The following R3HCC1L variants were observed in gnomAD, a reference collection of about 807,000 sequenced individuals.
R3HCC1L encodes coiled-coil domain-containing protein R3HCC1L.
Under a neutral mutation model 59.9 loss-of-function variants are expected in R3HCC1L, and 51 were observed. That is an observed-to-expected ratio of 0.85 (90% CI 0.68 to 1.07). The LOEUF (loss-of-function observed/expected upper bound fraction) is 1.07, where lower values mean the gene tolerates loss of function less well. Among genes scored for constraint, R3HCC1L ranks in the 50% least tolerant of loss-of-function variants. The pLI is 0.00. For missense variants in R3HCC1L, 965 were observed against 933.0 expected (o/e 1.03, Z -0.45); for synonymous variants, 322 against 315.2 (o/e 1.02, Z -0.23).
In R3HCC1L at chr10:98,209,099, A is replaced by G. The variant is rs771815498; in HGVS notation, c.985A>G (p.Met329Val). 1 of 1,613,982 alleles carries G rather than the reference A, an allele frequency of 6.2e-7. No individual in the cohort carries two copies. Among genetic ancestry groups the G allele is most frequent in the African/African-American group, 1.3e-5 (1 of 74,922 alleles). ...ESTNDTVSPV[M>V]IRECEKNDST... ...CACAAATGACACTGTTAGTCCAGTA[A>G]TGATTAGAGAATGTGAGAAGAATGA... The change falls in exon 5 of 10, where the codon ATG becomes GTG. Residue 329 changes from methionine to valine, a missense_variant. Transcript: ENST00000298999.
At chr10:98,181,411 T>C (rs1849608613) in intron 4 of R3HCC1L, among the ~76,000 whole-genome samples, 1 of 152,230 alleles carries the variant, frequency 6.6e-6, no homozygotes, top group Non-Finnish European at 1.5e-5. Context: ...GGGCTTCCCT[T>C]TGTGGGTAAT....
At chr10:98,166,812 C>T (rs569438025) in intron 4 of R3HCC1L, among the ~76,000 whole-genome samples, 9 of 152,190 alleles carry the variant, frequency 5.9e-5, no homozygotes, top group Admixed American at 2.0e-4. Context: ...ACTACAGGTG[C>T]GTGCCACCAT....
chr10:98,231,541 C>T lies in R3HCC1L; in HGVS notation c.1815C>T (p.Ser605=). 6.2e-7 allele frequency: 1 copy of T among 1,612,874 alleles called. No homozygotes were observed. Among genetic ancestry groups the T allele is most frequent in the Non-Finnish European group, 8.5e-7 (1 of 1,179,594 alleles). ...CAGGGAATACCAAGAGCAGAGAGAG[C>T]ATCCAGGAACCTAGATCTGATTACT... The part of the protein sequence containing the change: ...ELSGNTKSRE[S]IQEPRSDYYN... The change falls in exon 6 of 10, where the codon AGC becomes AGT. Residue 605 remains serine (S), a synonymous_variant. Transcript: ENST00000298999.
chr10:98,149,474 G>A (rs560315144), intron 1 of R3HCC1L, among the ~76,000 whole-genome samples: 1 of 151,918 alleles, frequency 6.6e-6, no homozygotes, highest in Non-Finnish European at 1.5e-5. Flanking sequence ...TTTGATGTAG[G>A]CATTTATTGC....
chr10:98,180,837 G>C (rs888455032), intron 4 of R3HCC1L, among the ~76,000 whole-genome samples: 2 of 151,910 alleles, frequency 1.3e-5, no homozygotes, highest in East Asian at 1.9e-4. Context: ...ATCTTTGTTG[G>C]TTTAAAGTCT....
intron 4 of R3HCC1L, among the ~76,000 whole-genome samples, chr10:98,182,591 A>G (rs1349024275): frequency 6.6e-6 from 1 of 152,108 alleles, no homozygotes; most frequent in Non-Finnish European, 1.5e-5. Flanking sequence ...CAGGAACGTT[A>G]AGTCTGCAGA....
intron 4 of R3HCC1L, among the ~76,000 whole-genome samples, chr10:98,166,019 A>C (rs1324582118): frequency 6.6e-6 from 1 of 152,182 alleles, no homozygotes; most frequent in East Asian, 1.9e-4. Flanking sequence ...TAAATACAAA[A>C]AATTAGCTGG....
intron 5 of R3HCC1L, among the ~76,000 whole-genome samples, chr10:98,229,609 A>C (rs1375299382): frequency 4.6e-5 from 7 of 152,312 alleles, no homozygotes; most frequent in African/African-American, 1.7e-4. Context: ...CAGAACTTCC[A>C]ACACTATGTT....
In R3HCC1L at chr10:98,182,713, C is replaced by T. The variant is rs369081154; in HGVS notation, c.-15+19316C>T. On this transcript the variant is annotated intron_variant, in intron 4 of 9. Transcript: ENST00000298999. Reference sequence around the variant, plus strand: ...CTCTACCCAGTTTGAACTTCCCGGCCGCTTTGTTTACCTCCTCAAGCCTCG... The same window carrying T: ...CTCTACCCAGTTTGAACTTCCCGGCTGCTTTGTTTACCTCCTCAAGCCTCG... 9.9e-5 allele frequency among the ~76,000 whole-genome samples: 15 copies of T among 152,270 alleles called. No individual in the cohort carries two copies. The South Asian group carries it at 1.0e-3, about 11-fold the overall frequency.
intron 5 of R3HCC1L, among the ~76,000 whole-genome samples, chr10:98,220,345 T>A (rs928895487): frequency 1.3e-5 from 2 of 151,582 alleles, no homozygotes; most frequent in East Asian, 1.9e-4. Flanking sequence ...GAATTCTTTG[T>A]CAGGCATTTC....
intron 4 of R3HCC1L, among the ~76,000 whole-genome samples, chr10:98,201,392 A>T (rs1172887322): frequency 1.3e-5 from 2 of 152,218 alleles, no homozygotes; most frequent in African/African-American, 4.8e-5. Flanking sequence ...TATACTGAAT[A>T]CCTCACTTAA....
chr10:98,239,179 T>C (rs1240192536), intron 9 of R3HCC1L, among the ~76,000 whole-genome samples: 1 of 152,330 alleles, frequency 6.6e-6, no homozygotes, highest in South Asian at 2.1e-4. Context: ...GGAAAAGTGC[T>C]TTACAAATTC....
intron 5 of R3HCC1L, among the ~76,000 whole-genome samples, chr10:98,214,938 T>A (rs1231544617): frequency 6.6e-6 from 1 of 152,228 alleles, no homozygotes; most frequent in Non-Finnish European, 1.5e-5. Context: ...TAGCCTACAA[T>A]CTAGTCTGGC....
chr10:98,238,114 TA>T (rs1358803344), intron 9 of R3HCC1L, among the ~76,000 whole-genome samples: 2 of 152,204 alleles, frequency 1.3e-5, no homozygotes, highest in Non-Finnish European at 2.9e-5. Flanking sequence ...TATAATGAGT[TA>T]TATGGTAAGT....
intron 4 of R3HCC1L, among the ~76,000 whole-genome samples, chr10:98,207,433 T>G (rs944255506): frequency 6.6e-6 from 1 of 152,192 alleles, no homozygotes; most frequent in Non-Finnish European, 1.5e-5. Context: ...GTTTCCTTGG[T>G]CTTCTATCCT....
At chr10:98,226,679 CAG>C (rs1425771461) in intron 5 of R3HCC1L, among the ~76,000 whole-genome samples, 1 of 152,190 alleles carries the variant, frequency 6.6e-6, no homozygotes, top group African/African-American at 2.4e-5. Flanking sequence ...TATAAAGCTA[CAG>C]TAACCAAAAC....
intron 1 of R3HCC1L, among the ~76,000 whole-genome samples, chr10:98,136,104 C>T (rs1234557371): frequency 4.6e-5 from 7 of 151,434 alleles, no homozygotes; most frequent in Non-Finnish European, 8.8e-5. Context: ...CCTCCCGCCT[C>T]GACCTCCCAA....
intron 6 of R3HCC1L, among the ~76,000 whole-genome samples, chr10:98,232,654 T>C (rs566534155): frequency 4.6e-5 from 7 of 152,326 alleles, no homozygotes; most frequent in African/African-American, 1.7e-4. Flanking sequence ...ACCAGGTCTG[T>C]AGTGTGATAT....
chr10:98,141,689 T>C (rs1379662664), intron 1 of R3HCC1L, among the ~76,000 whole-genome samples: 2 of 152,214 alleles, frequency 1.3e-5, no homozygotes, highest in African/African-American at 4.8e-5. Flanking sequence ...GTGATTGATG[T>C]TGATTGTCCC....
Sources: gnomAD v4.1 joint callset for allele counts (sites outside exome capture counted in the v4.1 genomes callset) on GRCh38, gnomAD v4.1.1 for gene constraint, MANE v1.5 for transcripts, NCBI Gene and HGNC (gene_info 2026-07-23, HGNC 2026-07-21) for gene names.